DAB2IP: variants seen among roughly 807,000 people sequenced by gnomAD.
DAB2IP encodes disabled homolog 2-interacting protein.
Under a neutral mutation model 107.2 loss-of-function variants are expected in DAB2IP, and 28 were observed. The observed-to-expected ratio is 0.26, with a 90% CI of 0.19 to 0.36. The LOEUF (loss-of-function observed/expected upper bound fraction) is 0.36. Ranked by LOEUF, DAB2IP falls within the 10% of genes least tolerant of loss-of-function variation. The pLI, the probability that DAB2IP is intolerant of heterozygous loss-of-function variation, is 1.00. For synonymous variants in DAB2IP, 755 were observed against 706.4 expected (o/e 1.07, Z -1.09); for missense variants, 1,400 against 1,644.7 (o/e 0.85, Z 2.57).
chr9:121,622,366 A>T (rs1831504849), intron 1 of DAB2IP, among the ~76,000 whole-genome samples: 2 of 152,172 alleles, frequency 1.3e-5, no homozygotes, highest in Non-Finnish European at 2.9e-5. Context: ...TCTGGGGTCT[A>T]CAAGAGGGGG....
intron 1 of DAB2IP, among the ~76,000 whole-genome samples, chr9:121,570,850 C>A (rs1829922447): frequency 1.3e-5 from 2 of 152,064 alleles, no homozygotes; most frequent in African/African-American, 4.8e-5. Flanking sequence ...GCCGGCCTGG[C>A]TTCTGGGACA....
chr9:121,676,083 C>T (rs1358299345), intron 1 of DAB2IP, among the ~76,000 whole-genome samples: 1 of 152,208 alleles, frequency 6.6e-6, no homozygotes, highest in Non-Finnish European at 1.5e-5. Context: ...CTGGAAGAGG[C>T]GCCTGGGGCT....
intron 3 of DAB2IP, among the ~76,000 whole-genome samples, chr9:121,743,696 G>T (rs1832517856): frequency 6.6e-6 from 1 of 152,232 alleles, no homozygotes. Flanking sequence ...CCCGAGCCTG[G>T]TGGCTATGCT....
intron 3 of DAB2IP, among the ~76,000 whole-genome samples, chr9:121,733,546 C>G (rs183084856): frequency 6.6e-6 from 1 of 152,288 alleles, no homozygotes; most frequent in East Asian, 1.9e-4. Flanking sequence ...GTGTGTTTCT[C>G]CATCACTCAC....
intron 2 of DAB2IP, among the ~76,000 whole-genome samples, chr9:121,697,194 C>G (rs866053005): frequency 6.6e-6 from 1 of 152,150 alleles, no homozygotes; most frequent in Middle Eastern, 3.4e-3. Flanking sequence ...CGGGAGAAAA[C>G]TTTTTTGTTT....
chr9:121,622,464 C>T (rs577566446), intron 1 of DAB2IP, among the ~76,000 whole-genome samples: 3 of 152,302 alleles, frequency 2.0e-5, no homozygotes, highest in African/African-American at 7.2e-5. Context: ...TGGGGACCTC[C>T]AATACCTGAC....
At chr9:121,671,382 C>A (rs533184723) in intron 1 of DAB2IP, among the ~76,000 whole-genome samples, 13 of 152,136 alleles carry the variant, frequency 8.5e-5, no homozygotes, top group African/African-American at 3.1e-4. Flanking sequence ...ATTCTCACCT[C>A]GATAATTCAG....
chr9:121,595,287 A>ATT (rs1830505938), intron 1 of DAB2IP, among the ~76,000 whole-genome samples: 2 of 152,006 alleles, frequency 1.3e-5, no homozygotes, highest in African/African-American at 4.8e-5. Context: ...TGTGTCTCCT[A>ATT]TCCTGGTCAA....
chr9:121,773,539 A>T (rs553733861), intron 12 of DAB2IP, 44 bp downstream of exon 12: 1 of 1,430,700 alleles, frequency 7.0e-7, no homozygotes, highest in East Asian at 2.6e-5. Flanking sequence ...ACTTGGGCCC[A>T]GCTGGGGCTG....
At position 121,578,247 on chromosome 9, in the gene DAB2IP, T is replaced by C. The variant is rs1453474795; in HGVS notation, c.40+11019T>C. 2.0e-5 allele frequency among the ~76,000 whole-genome samples: 3 copies of C among 152,106 alleles called. No individual in the cohort carries two copies. The East Asian group carries it at 5.8e-4, about 29-fold the overall frequency. ...CTATCTCTGTCTCTTTCTGTCTCTC[T>C]ATCTCTGTTCCTATCTCTCTCAGTC... On this transcript the variant is annotated intron_variant, in intron 1 of 16. Coordinates refer to the DAB2IP transcript ENST00000259371.
chr9:121,767,576 G>A (rs747748820), intron 9 of DAB2IP, among the ~76,000 whole-genome samples: 2 of 152,196 alleles, frequency 1.3e-5, no homozygotes, highest in Non-Finnish European at 2.9e-5. Context: ...GGAGAAGCGG[G>A]CGATGAGACC....
intron 3 of DAB2IP, among the ~76,000 whole-genome samples, chr9:121,728,621 A>C (rs1182974823): frequency 6.6e-6 from 1 of 152,170 alleles, no homozygotes; most frequent in Non-Finnish European, 1.5e-5. Context: ...TCCTTGTATC[A>C]GAGAGGGGCA....
chr9:121,690,412 C>T (rs897851727), intron 2 of DAB2IP, among the ~76,000 whole-genome samples: 4 of 152,116 alleles, frequency 2.6e-5, no homozygotes, highest in African/African-American at 9.7e-5. Context: ...AGCCACGAGG[C>T]CCTGGGTATC....
chr9:121,581,966 T>A (rs922815213), intron 1 of DAB2IP, among the ~76,000 whole-genome samples: 12 of 152,202 alleles, frequency 7.9e-5, no homozygotes, highest in African/African-American at 2.7e-4. Flanking sequence ...GGTGCAGGGC[T>A]GAGGGCCAAG....
At chr9:121,693,721 C>T (rs1348907305) in intron 2 of DAB2IP, among the ~76,000 whole-genome samples, 4 of 152,206 alleles carry the variant, frequency 2.6e-5, no homozygotes, top group Non-Finnish European at 5.9e-5. Flanking sequence ...CTGCAGCAGC[C>T]CAGGTCAGTC....
intron 3 of DAB2IP, among the ~76,000 whole-genome samples, chr9:121,709,242 C>T (rs1241411179): frequency 6.6e-6 from 1 of 152,222 alleles, no homozygotes; most frequent in African/African-American, 2.4e-5. Flanking sequence ...TGGTTTACTG[C>T]ATTCAGGTCA....
chr9:121,757,440 AC>A (rs1370239151), intron 4 of DAB2IP, among the ~76,000 whole-genome samples: 1 of 152,204 alleles, frequency 6.6e-6, no homozygotes, highest in African/African-American at 2.4e-5. Flanking sequence ...CCAGTGGATG[AC>A]AGTGAGTAGG....
upstream of DAB2IP, among the ~76,000 whole-genome samples, chr9:121,650,656 GTGTC>G (rs1267841203): frequency 6.6e-6 from 1 of 152,234 alleles, no homozygotes; most frequent in Non-Finnish European, 1.5e-5. Context: ...GCTCAGGCAG[GTGTC>G]TTAATAATTT....
At chr9:121,724,731 A>G (rs1831138318) in intron 3 of DAB2IP, among the ~76,000 whole-genome samples, 1 of 152,236 alleles carries the variant, frequency 6.6e-6, no homozygotes, top group African/African-American at 2.4e-5. Flanking sequence ...TGGATTGACT[A>G]GCCCAATGTC....
Sources: gnomAD v4.1 joint callset for allele counts (sites outside exome capture counted in the v4.1 genomes callset) on GRCh38, gnomAD v4.1.1 for gene constraint, MANE v1.5 for transcripts, NCBI Gene and HGNC (gene_info 2026-07-23, HGNC 2026-07-21) for gene names.